SEMA3E: variants seen among roughly 807,000 people sequenced by gnomAD.
SEMA3E encodes the protein semaphorin 3E.
SEMA3E carries 49 observed loss-of-function variants against 93.6 expected under a neutral mutation model. The ratio of observed to expected loss-of-function variants is 0.52; its 90% CI spans 0.42 to 0.66. The LOEUF (loss-of-function observed/expected upper bound fraction) is 0.66. Among genes scored for constraint, SEMA3E ranks in the 30% least tolerant of loss-of-function variants. The pLI, the probability that SEMA3E is intolerant of heterozygous loss-of-function variation, is 0.00. For synonymous variants in SEMA3E, 363 were observed against 330.7 expected, an observed-to-expected ratio of 1.10 and a Z score of -1.06; for missense variants, 906 against 964.8, an observed-to-expected ratio of 0.94 and a Z score of 0.81.
chr7:83,543,969 G>T (rs903816594), intron 1 of SEMA3E, among the ~76,000 whole-genome samples: 4 of 151,956 alleles, frequency 2.6e-5, no homozygotes, highest in Non-Finnish European at 4.4e-5. Context: ...TATTTTTGAT[G>T]TAACCTTCCC....
intron 1 of SEMA3E, among the ~76,000 whole-genome samples, chr7:83,620,767 A>C (rs1479834476): frequency 6.6e-6 from 1 of 152,142 alleles, no homozygotes; most frequent in Admixed American, 6.6e-5. Flanking sequence ...CAATAGACAC[A>C]GAAAAGGCCT....
chr7:83,461,763 C>A (rs1789623307), intron 4 of SEMA3E, among the ~76,000 whole-genome samples: 2 of 152,172 alleles, frequency 1.3e-5, no homozygotes, highest in Admixed American at 1.3e-4. Context: ...TCAAACCCCA[C>A]AACAGGATTT....
chr7:83,600,498 T>TG, intron 1 of SEMA3E, among the ~76,000 whole-genome samples: 1 of 123,272 alleles, frequency 8.1e-6, no homozygotes. Flanking sequence ...TTTTTTTTTT[T>TG]TTTTTTTTTT....
chr7:83,455,459 T>C (rs1789460471), intron 4 of SEMA3E, among the ~76,000 whole-genome samples: 2 of 152,214 alleles, frequency 1.3e-5, no homozygotes, highest in African/African-American at 2.4e-5. Flanking sequence ...AAACATTTTC[T>C]AAAAATACCT....
Position 83,402,775 on chromosome 7 carries a change from T to A in SEMA3E, c.1000A>T (p.Asn334Tyr). Reference protein sequence around the residue: ...VIFGLFNTTSNIFRGHAICVY... With the variant: ...VIFGLFNTTSYIFRGHAICVY... Reference sequence around the variant, plus strand: ...CATATAGCATGCCCTCGAAAAATATTACTGAAAAATACAAAAAAGATAATT... The same window carrying A: ...CATATAGCATGCCCTCGAAAAATATAACTGAAAAATACAAAAAAGATAATT... The change falls in exon 10 of 17, where the codon AAT becomes TAT. Residue 334 changes from asparagine to tyrosine, a missense_variant and splice_region_variant. Physicochemically the swap from Asn to Tyr is moderately radical, Grantham distance 143. Transcript: ENST00000643230. 1 of 1,611,286 alleles carries A rather than the reference T, an allele frequency of 6.2e-7. No homozygotes were observed. The highest frequency in any genetic ancestry group is 8.5e-7 in the Non-Finnish European group (1 of 1,178,300).
At position 83,471,405 on chromosome 7, in the gene SEMA3E, G is replaced by C. The variant is rs185203557; in HGVS notation, c.277-2103C>G. ...CTTTGGAACAGAAAGGGAAAAAACA[G>C]CTTTGAGTTTCTTCGTGCTGATAGG... On this transcript the variant is annotated intron_variant, in intron 2 of 16. Coordinates refer to ENST00000643230, the MANE Select transcript of SEMA3E (RefSeq NM_012431.3). 3.1e-3 allele frequency among the ~76,000 whole-genome samples: 476 copies of C among 151,436 alleles called. 3 individuals are homozygous for C. Among genetic ancestry groups the C allele is most frequent in the African/African-American group, 0.011 (456 of 41,346 alleles).
chr7:83,407,247 A>G lies in SEMA3E; in HGVS notation c.671-8T>C. ...AACCTACAAATTTTGGTTCTATAGG[A>G]GCAAAAAATAGGAGAAAAAGTGAAA... On this transcript the variant is annotated splice_polypyrimidine_tract_variant and splice_region_variant and intron_variant, in intron 6 of 16. Transcript: ENST00000643230. 1 of 1,609,684 alleles carries G rather than the reference A, an allele frequency of 6.2e-7. No individual in the cohort carries two copies. Among genetic ancestry groups the G allele is most frequent in the Non-Finnish European group, 8.5e-7 (1 of 1,177,170 alleles).
intron 4 of SEMA3E, among the ~76,000 whole-genome samples, chr7:83,443,506 T>G (rs147376829): frequency 2.6e-5 from 4 of 152,322 alleles, no homozygotes; most frequent in African/African-American, 9.6e-5. Flanking sequence ...TTGCACAGCC[T>G]GATAGATAGC....
Position 83,647,456 on chromosome 7 carries a change from T to A in SEMA3E, c.115+972A>T, listed in dbSNP as rs190493135. Among the ~76,000 whole-genome samples the A allele has an allele frequency of 5.9e-5, 9 of 152,310 alleles. No individual in the cohort carries two copies. The East Asian group carries it at 1.7e-3, about 29-fold the overall frequency. ...CTGAGTATTACATCTGCTATCTGTC[T>A]CAATGTGTCAATGGCTAGTGATAAT... On this transcript the variant is annotated intron_variant, in intron 1 of 16. Coordinates refer to ENST00000643230, the MANE Select transcript of SEMA3E (RefSeq NM_012431.3).
At chr7:83,493,170 G>T (rs995925711) in intron 1 of SEMA3E, among the ~76,000 whole-genome samples, 1 of 151,912 alleles carries the variant, frequency 6.6e-6, no homozygotes, top group African/African-American at 2.4e-5. Flanking sequence ...GTTTTATGGA[G>T]TCCTTTAAAG....
intron 9 of SEMA3E, among the ~76,000 whole-genome samples, chr7:83,404,870 A>C (rs1478117456): frequency 6.6e-6 from 1 of 151,980 alleles, no homozygotes; most frequent in South Asian, 2.1e-4. Flanking sequence ...GATTTAAATC[A>C]GTGTTGGAGG....
At chr7:83,402,308 G>A (rs1426831886) in intron 10 of SEMA3E, among the ~76,000 whole-genome samples, 1 of 151,974 alleles carries the variant, frequency 6.6e-6, no homozygotes, top group Non-Finnish European at 1.5e-5. Flanking sequence ...GGAATACGAT[G>A]TTCATGTTAC....
chr7:83,582,405 C>A (rs918540745), intron 1 of SEMA3E, among the ~76,000 whole-genome samples: 1 of 151,932 alleles, frequency 6.6e-6, no homozygotes, highest in Non-Finnish European at 1.5e-5. Flanking sequence ...ACGTGAGTGG[C>A]CCTAAGACAC....
At chr7:83,569,965 TCTTGGTCAAGAAGC>T (rs1792240099) in intron 1 of SEMA3E, among the ~76,000 whole-genome samples, 1 of 152,112 alleles carries the variant, frequency 6.6e-6, no homozygotes, top group Non-Finnish European at 1.5e-5. Flanking sequence ...TCAACCACAT[TCTTGGTCAAGAAGC>T]AAGTCTTAAT....
rs139494412 is a variant in SEMA3E, at chr7:83,572,373, C to T, written c.115+76055G>A. 3.0e-3 allele frequency among the ~76,000 whole-genome samples: 449 copies of T among 152,142 alleles called. 3 individuals carry two copies. The highest frequency in any genetic ancestry group is 0.01 in the African/African-American group (418 of 41,512). ...AAACATCATGGTCCTGGTACAAAAA[C>T]GGATACACTGTAATCCCAGCACTTT... On this transcript the variant is annotated intron_variant, in intron 1 of 16. Transcript: ENST00000643230.
chr7:83,551,764 A>T (rs1281312850), intron 1 of SEMA3E, among the ~76,000 whole-genome samples: 1 of 152,146 alleles, frequency 6.6e-6, no homozygotes, highest in Non-Finnish European at 1.5e-5. Flanking sequence ...AACACTATTG[A>T]CATTTTGGCT....
intron 16 of SEMA3E, chr7:83,372,609 C>T (rs1293154621): frequency 9.6e-6 from 2 of 207,906 alleles, no homozygotes; most frequent in Admixed American, 5.9e-5. Context: ...ATATAAAGTC[C>T]AGATTGGTCA....
chr7:83,580,375 C>G (rs1340898059), intron 1 of SEMA3E, among the ~76,000 whole-genome samples: 1 of 151,960 alleles, frequency 6.6e-6, no homozygotes, highest in Non-Finnish European at 1.5e-5. Flanking sequence ...ATGCTAGAAC[C>G]TATAGAATCA....
intron 1 of SEMA3E, among the ~76,000 whole-genome samples, chr7:83,565,837 A>G (rs944747554): frequency 1.3e-5 from 2 of 152,082 alleles, no homozygotes; most frequent in Non-Finnish European, 2.9e-5. Context: ...TTATTGGCAA[A>G]GGAGTTCCTA....
Sources: allele counts gnomAD v4.1 joint callset (sites outside exome capture counted in the v4.1 genomes callset), GRCh38; gene constraint gnomAD v4.1.1; transcripts MANE v1.5; gene names NCBI Gene and HGNC (gene_info 2026-07-23, HGNC 2026-07-21).